The following SLC15A2 variants were observed in gnomAD, a reference collection of about 807,000 sequenced individuals.
SLC15A2 encodes the protein solute carrier family 15 member 2.
SLC15A2 carries 77 observed loss-of-function variants against 95.5 expected under a neutral mutation model. The ratio of observed to expected loss-of-function variants is 0.81; its 90% CI spans 0.67 to 0.97. The LOEUF is 0.97. SLC15A2 is among the 50% of genes least tolerant of loss of function. SLC15A2 has a pLI of 0.00. For missense variants in SLC15A2, 893 were observed against 874.4 expected, an observed-to-expected ratio of 1.02 and a Z score of -0.27; for synonymous variants, 306 against 306.9, an observed-to-expected ratio of 1.00 and a Z score of 0.03.
intron 3 of SLC15A2, among the ~76,000 whole-genome samples, chr3:121,901,880 T>G (rs2107570656): frequency 6.6e-6 from 1 of 152,268 alleles, no homozygotes; most frequent in Admixed American, 6.5e-5. Flanking sequence ...GTGTTTACTT[T>G]TATTCACGTG....
At chr3:121,922,170 C>T (rs774579099) in intron 7 of SLC15A2, 50 bp from the exon 8 acceptor site, 5 of 1,509,962 alleles carry the variant, frequency 3.3e-6, no homozygotes, top group Non-Finnish European at 4.6e-6. Flanking sequence ...AACCTTTGCA[C>T]CAACCTAATA....
chr3:121,902,981 G>A (rs1199195170), intron 3 of SLC15A2, among the ~76,000 whole-genome samples: 4 of 152,212 alleles, frequency 2.6e-5, no homozygotes, highest in African/African-American at 4.8e-5. Flanking sequence ...CAGTGTAAAA[G>A]TGTTCCTATT....
Position 121,911,656 on chromosome 3 carries a change from G to C in SLC15A2, c.418G>C (p.Val140Leu), listed in dbSNP as rs1156463438. Residue 140 changes from valine (V) to leucine (L), a missense_variant, in exon 4 of 22, where the codon GTG becomes CTG. Val to Leu is a conservative substitution (Grantham distance 32). Coordinates refer to ENST00000489711, the MANE Select transcript of SLC15A2 (RefSeq NM_021082.4). Reference sequence around the variant, plus strand: ...TGCCTTACCAATACTGGGAGGACAAGTGGTACACACGTGAGTAAAATCATG... The same window carrying C: ...TGCCTTACCAATACTGGGAGGACAACTGGTACACACGTGAGTAAAATCATG... ...LGALPILGGQ[V>L]VHTVLSLIGL... is the part of the protein sequence containing the mutation. 5 of 1,607,526 alleles carry C rather than the reference G, an allele frequency of 3.1e-6. No homozygotes were observed. The African/African-American group carries it at 5.3e-5, about 17-fold the overall frequency.
chr3:121,919,931 C>A (rs1412963261), intron 7 of SLC15A2, among the ~76,000 whole-genome samples: 1 of 152,126 alleles, frequency 6.6e-6, no homozygotes, highest in Non-Finnish European at 1.5e-5. Flanking sequence ...TCACCTTCAC[C>A]TACCTGGAGG....
intron 3 of SLC15A2, among the ~76,000 whole-genome samples, chr3:121,906,764 C>A (rs1041992881): frequency 6.6e-6 from 1 of 152,098 alleles, no homozygotes; most frequent in African/African-American, 2.4e-5. Flanking sequence ...GTGGGTAACC[C>A]GACCTTTCTC....
At chr3:121,904,701 C>T (rs182678870) in intron 3 of SLC15A2, among the ~76,000 whole-genome samples, 10 of 152,206 alleles carry the variant, frequency 6.6e-5, no homozygotes, top group Non-Finnish European at 8.8e-5. Context: ...GGGATGAAGC[C>T]GACTTGATCA....
intron 19 of SLC15A2, among the ~76,000 whole-genome samples, chr3:121,933,649 A>G (rs1710278047): frequency 6.6e-6 from 1 of 151,162 alleles, no homozygotes; most frequent in Non-Finnish European, 1.5e-5. Context: ...TTCATTGTAG[A>G]TTCTGGATAT....
chr3:121,930,255 A>G (rs1710205767), intron 17 of SLC15A2, among the ~76,000 whole-genome samples: 2 of 152,154 alleles, frequency 1.3e-5, no homozygotes, highest in African/African-American at 2.4e-5. Flanking sequence ...CTGAGAGGAC[A>G]ATCTAGGTGC....
intron 7 of SLC15A2, among the ~76,000 whole-genome samples, chr3:121,919,697 C>T (rs997894507): frequency 6.6e-6 from 1 of 152,132 alleles, no homozygotes; most frequent in Non-Finnish European, 1.5e-5. Flanking sequence ...TGGGACCCGT[C>T]CGTGTCTGCC....
In SLC15A2 at chr3:121,942,163, C is replaced by T. The variant is rs1364430257; in HGVS notation, c.*1156C>T. On this transcript the variant is annotated 3_prime_UTR_variant, in exon 22 of 22. Coordinates refer to ENST00000489711, the MANE Select transcript of SLC15A2 (RefSeq NM_021082.4). ...TAAAATGGAAATGTCAATAGAGGAG[C>T]ATGGTCCTATGTGAGGTTCCTATCA... is the stretch of plus-strand genomic sequence containing the variant. 2 of 152,130 alleles carry T rather than the reference C, an allele frequency of 1.3e-5. No individual in the cohort carries two copies. The highest frequency in any genetic ancestry group is 2.9e-5 in the Non-Finnish European group (2 of 68,024). 9.4% of individuals were successfully genotyped at this position (152,130 alleles called of 1,614,324 possible). A position where few individuals can be genotyped will look rare whatever the true frequency, so the allele number is the denominator to read the frequency against.
At chr3:121,936,318 C>A (rs1258583436) in intron 19 of SLC15A2, among the ~76,000 whole-genome samples, 1 of 152,028 alleles carries the variant, frequency 6.6e-6, no homozygotes, top group African/African-American at 2.4e-5. Flanking sequence ...CCTGGGTGTC[C>A]TTGTTGACTT....
At chr3:121,936,407 T>C (rs1322064248) in intron 19 of SLC15A2, among the ~76,000 whole-genome samples, 1 of 152,196 alleles carries the variant, frequency 6.6e-6, no homozygotes, top group African/African-American at 2.4e-5. Flanking sequence ...TCTCAGTCTC[T>C]TTGTGGGTCA....
chr3:121,930,962 G>A lies in SLC15A2; in HGVS notation c.1664+12G>A, dbSNP rs1710221518. On this transcript the variant is annotated intron_variant, in intron 18 of 21. Coordinates refer to ENST00000489711, the MANE Select transcript of SLC15A2 (RefSeq NM_021082.4). ...GTGCAAAGAGGAGAGTAAGTGCATT[G>A]CCCCTGTGGACATTTTACTTTTGTC... The A allele has an allele frequency of 6.6e-7, 1 of 1,509,638 alleles. No individual in the cohort carries two copies. The highest frequency in any genetic ancestry group is 1.4e-5 in the African/African-American group (1 of 72,790). 93.5% of individuals were successfully genotyped at this position (1,509,638 alleles called of 1,614,324 possible).
chr3:121,930,880 A>G lies in SLC15A2; in HGVS notation c.1594A>G (p.Ser532Gly), dbSNP rs1710219562. 6.2e-7 allele frequency: 1 copy of G among 1,613,590 alleles called. No homozygotes were observed. The highest frequency in any genetic ancestry group is 8.5e-7 in the Non-Finnish European group (1 of 1,179,514). ...TLHKDVNISLSTDTSLNVGED... is the reference protein window; with the variant it reads ...TLHKDVNISLGTDTSLNVGED... ...GCATAAAGATGTCAACATCTCCCTG[A>G]GTACAGATACCTCTCTCAATGTTGG... Residue 532 changes from serine to glycine, a missense_variant, in exon 18 of 22, where the codon AGT becomes GGT. By Grantham distance (56) the Ser-to-Gly change is moderately conservative. Transcript: ENST00000489711.
chr3:121,925,885 G>A (rs867723387), intron 13 of SLC15A2, among the ~76,000 whole-genome samples: 6 of 150,528 alleles, frequency 4.0e-5, no homozygotes, highest in Admixed American at 6.6e-5. Flanking sequence ...AAAGCCAACA[G>A]ATTTCTGCAG....
At chr3:121,924,452 C>A (rs34681836) in intron 12 of SLC15A2, 69 bp downstream of exon 12, 4 of 1,317,298 alleles carry the variant, frequency 3.0e-6, no homozygotes, top group African/African-American at 2.9e-5. Context: ...TGCAGTATTA[C>A]GATTAACAAC....
intron 3 of SLC15A2, among the ~76,000 whole-genome samples, chr3:121,908,771 C>G (rs1354729773): frequency 1.3e-5 from 2 of 152,162 alleles, no homozygotes; most frequent in Non-Finnish European, 2.9e-5. Flanking sequence ...TTACTTCTTT[C>G]TCTTCCATTT....
intron 1 of SLC15A2, 45 bp from the exon 2 acceptor site, chr3:121,896,361 G>A (rs1709412160): frequency 1.4e-6 from 2 of 1,460,664 alleles, no homozygotes; most frequent in African/African-American, 1.4e-5. Context: ...TGTTGAAACA[G>A]GGAAAAACAG....
chr3:121,928,484 G>A lies in SLC15A2; in HGVS notation c.1270G>A (p.Asp424Asn), dbSNP rs1218053874. Reference protein sequence around the residue: ...VFLQVLNLADDEVKVTVVGNE... With the variant: ...VFLQVLNLADNEVKVTVVGNE... Reference sequence around the variant, plus strand: ...CCTACAAGTCTTGAATCTGGCAGATGATGAGGTGAAGGTGACAGTGGTGGG... The same window carrying A: ...CCTACAAGTCTTGAATCTGGCAGATAATGAGGTGAAGGTGACAGTGGTGGG... Residue 424 changes from aspartate to asparagine, a missense_variant, in exon 15 of 22, where the codon GAT becomes AAT. Transcript: ENST00000489711. 2 of 1,614,156 alleles carry A rather than the reference G, an allele frequency of 1.2e-6. No homozygotes were observed. Among genetic ancestry groups the A allele is most frequent in the East Asian group, 2.2e-5 (1 of 44,888 alleles).
Sources: gnomAD v4.1 joint callset for allele counts (sites outside exome capture counted in the v4.1 genomes callset) on GRCh38, gnomAD v4.1.1 for gene constraint, MANE v1.5 for transcripts, NCBI Gene and HGNC (gene_info 2026-07-23, HGNC 2026-07-21) for gene names.